Variants in KIAA1958 observed in about 807,000 individuals in gnomAD.
KIAA1958 encodes uncharacterized protein KIAA1958.
Under a neutral mutation model 47.2 loss-of-function variants are expected in KIAA1958, and 14 were observed. The observed-to-expected ratio is 0.30, with a 90% CI of 0.20 to 0.46. The LOEUF (loss-of-function observed/expected upper bound fraction) is 0.46, where lower values mean the gene tolerates loss of function less well. KIAA1958 is among the 20% of genes least tolerant of loss of function. KIAA1958 has a pLI of 1.00. For missense variants in KIAA1958, 803 were observed against 909.2 expected (o/e 0.88, Z 1.50); for synonymous variants, 354 against 353.3 (o/e 1.00, Z -0.02).
chr9:112,499,414 C>T (rs185796105), intron 1 of KIAA1958, among the ~76,000 whole-genome samples: 3 of 152,242 alleles, frequency 2.0e-5, no homozygotes. Flanking sequence ...ACCTTCACAG[C>T]ATTTTAAGGA....
At chr9:112,491,150 G>A (rs1203250567) in intron 1 of KIAA1958, among the ~76,000 whole-genome samples, 1 of 152,062 alleles carries the variant, frequency 6.6e-6, no homozygotes, top group Non-Finnish European at 1.5e-5. Context: ...ATTTTTTGTA[G>A]CGATGGGGTC....
chr9:112,600,776 T>G (rs994356231), intron 2 of KIAA1958, among the ~76,000 whole-genome samples: 17 of 152,166 alleles, frequency 1.1e-4, no homozygotes, highest in African/African-American at 3.6e-4. Flanking sequence ...TCGGGCTAGG[T>G]AGGAAGACTT....
At chr9:112,509,982 A>C (rs756085727) in intron 1 of KIAA1958, among the ~76,000 whole-genome samples, 2 of 152,216 alleles carry the variant, frequency 1.3e-5, no homozygotes, top group African/African-American at 4.8e-5. Flanking sequence ...TTCTCTGAGC[A>C]TAAGTGGTTC....
chr9:112,504,962 G>A (rs1288446555), intron 1 of KIAA1958, among the ~76,000 whole-genome samples: 1 of 152,164 alleles, frequency 6.6e-6, no homozygotes, highest in Non-Finnish European at 1.5e-5. Flanking sequence ...ACCCTACTCT[G>A]CCATCTAACG....
intron 2 of KIAA1958, among the ~76,000 whole-genome samples, chr9:112,607,661 A>G (rs1836258331): frequency 6.6e-6 from 1 of 150,952 alleles, no homozygotes; most frequent in Non-Finnish European, 1.5e-5. Context: ...AGAAAAAAAG[A>G]CTAATGTACA....
At chr9:112,645,898 G>A in intron 3 of KIAA1958, 76 bp downstream of exon 3, 1 of 1,307,994 alleles carries the variant, frequency 7.6e-7, no homozygotes, top group Non-Finnish European at 1.0e-6. Flanking sequence ...GCTAAGCATT[G>A]TAGGGAACAC....
chr9:112,556,077 C>A (rs3860169), intron 1 of KIAA1958, among the ~76,000 whole-genome samples: 81,732 of 151,908 alleles, frequency 0.54, 22,004 homozygotes, highest in South Asian at 0.57. Flanking sequence ...GAAACTCTGT[C>A]TCCAAAAAAA....
At chr9:112,527,242 G>T (rs570832230) in intron 1 of KIAA1958, among the ~76,000 whole-genome samples, 1 of 152,172 alleles carries the variant, frequency 6.6e-6, no homozygotes, top group Admixed American at 6.5e-5. Context: ...TACACAGAAA[G>T]GATACTGTAG....
In KIAA1958 at chr9:112,667,747, T is replaced by C. The variant is rs561866486; in HGVS notation, c.*7678T>C. The C allele has an allele frequency of 1.2e-4, 19 of 152,334 alleles. No homozygotes were observed. The highest frequency in any genetic ancestry group is 5.2e-4 in the Admixed American group (8 of 15,302). The allele number at this position is 152,334 out of a possible 1,614,324, so 9.4% of individuals were successfully genotyped here. A position where few individuals can be genotyped will look rare whatever the true frequency, so the allele number is the denominator to read the frequency against. Reference sequence around the variant, plus strand: ...TTTATATGTTAAGATACATAATTTTTTAGTTATGATAACCATCCAGGAAAT... The same window carrying C: ...TTTATATGTTAAGATACATAATTTTCTAGTTATGATAACCATCCAGGAAAT... On this transcript the variant is annotated 3_prime_UTR_variant, in exon 4 of 4. Coordinates refer to ENST00000337530, the MANE Select transcript of KIAA1958 (RefSeq NM_133465.4).
chr9:112,620,016 C>A lies in KIAA1958; in HGVS notation c.1172-25634C>A, dbSNP rs577666738. On this transcript the variant is annotated intron_variant, in intron 2 of 3. Coordinates refer to ENST00000337530, the MANE Select transcript of KIAA1958 (RefSeq NM_133465.4). ...CATTTTAGGTAACAATATTTTGTTA[C>A]CAGATTTTGCTGAATTCAAAGCATT... Among the ~76,000 whole-genome samples, 5 of 152,208 alleles carry A rather than the reference C, an allele frequency of 3.3e-5. No individual in the cohort carries two copies. In the East Asian group the frequency reaches 9.6e-4, roughly 29 times the overall value.
rs532550934 is a variant in KIAA1958, at chr9:112,567,724, C to T, written c.-24-6333C>T. On this transcript the variant is annotated intron_variant, in intron 1 of 3. Transcript: ENST00000337530. ...CTGTAATCCCAGCACTTTGGGAGGCCGAGGTGGGTGGATCACGAGGTCAGG... is the reference window on the plus strand; with the variant it reads ...CTGTAATCCCAGCACTTTGGGAGGCTGAGGTGGGTGGATCACGAGGTCAGG... 2.0e-4 allele frequency among the ~76,000 whole-genome samples: 30 copies of T among 151,822 alleles called. No individual in the cohort carries two copies. The East Asian group carries it at 5.2e-3, about 27-fold the overall frequency.
At position 112,603,297 on chromosome 9, in the gene KIAA1958, G is replaced by A. The variant is rs1588035938; in HGVS notation, c.1171+28046G>A. 3.3e-5 allele frequency among the ~76,000 whole-genome samples: 5 copies of A among 152,226 alleles called. No homozygotes were observed. The East Asian group carries it at 7.7e-4, about 23-fold the overall frequency. On this transcript the variant is annotated intron_variant, in intron 2 of 3. Transcript: ENST00000337530. Reference sequence around the variant, plus strand: ...TATTCAGTCTCTTCTCCTTGCATATGTATTGATATTACTATAAAAACATTT... The same window carrying A: ...TATTCAGTCTCTTCTCCTTGCATATATATTGATATTACTATAAAAACATTT...
chr9:112,598,849 G>A (rs1161230930), intron 2 of KIAA1958, among the ~76,000 whole-genome samples: 1 of 152,048 alleles, frequency 6.6e-6, no homozygotes, highest in Non-Finnish European at 1.5e-5. Flanking sequence ...GGCCTGGGTG[G>A]GAGGATCGCT....
chr9:112,539,469 A>G (rs1004797025), intron 1 of KIAA1958, among the ~76,000 whole-genome samples: 3 of 152,206 alleles, frequency 2.0e-5, no homozygotes, highest in Non-Finnish European at 4.4e-5. Context: ...TGGGTAGCAT[A>G]GACCAGTCTG....
rs1173861942 is a variant in KIAA1958, at chr9:112,574,622, C to G, written c.542C>G (p.Ser181Cys). Residue 181 changes from serine (S) to cysteine (C), a missense_variant, in exon 2 of 4, where the codon TCC (serine) becomes TGC (cysteine). Physicochemically the swap from Ser to Cys is moderately radical, Grantham distance 112. Transcript: ENST00000337530. ...ARKRPGVVPS[S>C]LHSSSQTQMV... ...AAAAGACCTGGGGTAGTCCCATCTT[C>G]CCTCCATTCAAGCTCCCAGACGCAG... The G allele has an allele frequency of 6.2e-7, 1 of 1,614,060 alleles. No homozygotes were observed. The highest frequency in any genetic ancestry group is 8.5e-7 in the Non-Finnish European group (1 of 1,180,034).
At chr9:112,603,330 C>T (rs1836167700) in intron 2 of KIAA1958, among the ~76,000 whole-genome samples, 1 of 152,120 alleles carries the variant, frequency 6.6e-6, no homozygotes, top group South Asian at 2.1e-4. Flanking sequence ...TTTCATGTGG[C>T]TATCCCATTG....
At position 112,665,019 on chromosome 9, in the gene KIAA1958, C is replaced by A. The variant is rs913546186; in HGVS notation, c.*4950C>A. The A allele has an allele frequency of 7.2e-6, 1 of 137,984 alleles. No individual in the cohort carries two copies. Among genetic ancestry groups the A allele is most frequent in the Non-Finnish European group, 1.5e-5 (1 of 64,556 alleles). The allele number at this position is 137,984 out of a possible 1,614,324, so 8.5% of individuals were successfully genotyped here. On this transcript the variant is annotated 3_prime_UTR_variant, in exon 4 of 4. Transcript: ENST00000337530. ...GTGGTTGACCAGAATCTGATTGTTG[C>A]GCTCAATTAAAGTGCTTATTATTTA...
chr9:112,489,475 T>G (rs1443410627), intron 1 of KIAA1958, among the ~76,000 whole-genome samples: 6 of 47,048 alleles, frequency 1.3e-4, no homozygotes, highest in South Asian at 1.1e-3. Context: ...TGTTTTTGTG[T>G]TTTTTTTTTT....
At chr9:112,581,488 T>G (rs941118535) in intron 2 of KIAA1958, among the ~76,000 whole-genome samples, 5 of 152,096 alleles carry the variant, frequency 3.3e-5, no homozygotes, top group African/African-American at 1.2e-4. Flanking sequence ...ATGCAGAGTT[T>G]CAGGAGGCCG....
Sources: allele counts gnomAD v4.1 joint callset (sites outside exome capture counted in the v4.1 genomes callset), GRCh38; gene constraint gnomAD v4.1.1; transcripts MANE v1.5; gene names NCBI Gene and HGNC (gene_info 2026-07-23, HGNC 2026-07-21).